The following CNTN3 variants were observed in gnomAD, a reference collection of about 807,000 sequenced individuals.
The protein encoded by CNTN3 is contactin 3.
A neutral mutation model predicts 119.1 loss-of-function variants in CNTN3; 60 were observed. The observed-to-expected ratio is 0.50, with a 90% confidence interval of 0.41 to 0.62. The LOEUF (loss-of-function observed/expected upper bound fraction) is 0.62, where lower values mean the gene tolerates loss of function less well. CNTN3 is among the 20% of genes least tolerant of loss of function. The pLI is 0.00. For missense variants in CNTN3, 1,101 were observed against 1,242.4 expected, an observed-to-expected ratio of 0.89 and a Z score of 1.71; for synonymous variants, 450 against 438.7, an observed-to-expected ratio of 1.03 and a Z score of -0.32.
chr3:74,580,866 G>A (rs1332929764), intron 1 of CNTN3, among the ~76,000 whole-genome samples: 2 of 152,102 alleles, frequency 1.3e-5, no homozygotes, highest in Non-Finnish European at 2.9e-5. Flanking sequence ...CTACTGACGT[G>A]CACCATCACA....
At chr3:74,498,818 T>C (rs1703110150) in intron 3 of CNTN3, among the ~76,000 whole-genome samples, 1 of 151,860 alleles carries the variant, frequency 6.6e-6, no homozygotes, top group Non-Finnish European at 1.5e-5. Context: ...GATGTTCACA[T>C]TGCATGAAAG....
chr3:74,384,626 T>C (rs1365797953), intron 5 of CNTN3, among the ~76,000 whole-genome samples: 4 of 152,252 alleles, frequency 2.6e-5, no homozygotes, highest in Non-Finnish European at 4.4e-5. Context: ...GTTGTCCTGA[T>C]GATTTACCTT....
At chr3:74,364,623 T>C in intron 9 of CNTN3, 27 bp from the exon 10 acceptor site, 3 of 1,564,550 alleles carry the variant, frequency 1.9e-6, no homozygotes, top group Non-Finnish European at 2.6e-6. Flanking sequence ...ATATCTTTCA[T>C]ATAAACAAAC....
intron 5 of CNTN3, among the ~76,000 whole-genome samples, chr3:74,406,539 GT>G (rs541713320): frequency 2.4e-4 from 35 of 145,062 alleles, no homozygotes; most frequent in South Asian, 6.6e-4. Context: ...TGAACTATGT[GT>G]TTTTTTTTTT....
At chr3:74,405,296 T>A (rs1705297360) in intron 5 of CNTN3, among the ~76,000 whole-genome samples, 1 of 151,676 alleles carries the variant, frequency 6.6e-6, no homozygotes, top group Non-Finnish European at 1.5e-5. Context: ...GCCCCCTTAA[T>A]CATAAAACAA....
intron 13 of CNTN3, among the ~76,000 whole-genome samples, chr3:74,306,549 T>C (rs1450375523): frequency 1.3e-5 from 2 of 152,160 alleles, no homozygotes; most frequent in African/African-American, 4.8e-5. Flanking sequence ...ATTCATAGCT[T>C]TATTTTCTTC....
chr3:74,578,217 G>GT (rs1431450302), intron 1 of CNTN3, among the ~76,000 whole-genome samples: 4 of 151,932 alleles, frequency 2.6e-5, no homozygotes, highest in East Asian at 1.9e-4. Context: ...GTTATAAGAT[G>GT]TTTTTTTAAG....
intron 11 of CNTN3, among the ~76,000 whole-genome samples, chr3:74,338,070 G>C (rs1277919739): frequency 6.6e-6 from 1 of 152,012 alleles, no homozygotes; most frequent in African/African-American, 2.4e-5. Context: ...TAACACTTGA[G>C]TGTCTTTATC....
chr3:74,587,852 A>T (rs1704622577), intron 1 of CNTN3, among the ~76,000 whole-genome samples: 1 of 152,286 alleles, frequency 6.6e-6, no homozygotes, highest in South Asian at 2.1e-4. Flanking sequence ...GGCGTGAGAG[A>T]GGGCATCCCT....
intron 7 of CNTN3, among the ~76,000 whole-genome samples, 194 bp downstream of exon 7, chr3:74,369,695 C>T (rs1704289470): frequency 6.6e-6 from 1 of 150,452 alleles, no homozygotes; most frequent in Non-Finnish European, 1.5e-5. Flanking sequence ...GAGTAATTTT[C>T]TTCAAATCGA....
intron 5 of CNTN3, among the ~76,000 whole-genome samples, chr3:74,384,709 C>T (rs1470828812): frequency 2.6e-5 from 4 of 152,124 alleles, no homozygotes; most frequent in Non-Finnish European, 5.9e-5. Context: ...TACACTTTGG[C>T]AGTTCATATT....
intron 1 of CNTN3, among the ~76,000 whole-genome samples, chr3:74,613,542 C>T (rs1289655807): frequency 1.3e-5 from 2 of 152,098 alleles, no homozygotes; most frequent in Non-Finnish European, 2.9e-5. Flanking sequence ...TAAATAATAC[C>T]TCTGGACACA....
At chr3:74,486,819 T>C (rs1192482331) in intron 3 of CNTN3, among the ~76,000 whole-genome samples, 188 bp from the exon 4 acceptor site, 1 of 152,154 alleles carries the variant, frequency 6.6e-6, no homozygotes, top group Non-Finnish European at 1.5e-5. Context: ...TAAAGCACAG[T>C]AGAAAGTATA....
At chr3:74,433,752 C>A (rs552491681) in intron 4 of CNTN3, among the ~76,000 whole-genome samples, 2 of 152,306 alleles carry the variant, frequency 1.3e-5, no homozygotes, top group Admixed American at 1.3e-4. Context: ...ACATAAGGCT[C>A]CCACTCCTCC....
At chr3:74,363,395 C>A (rs1013236064) in intron 10 of CNTN3, among the ~76,000 whole-genome samples, 1 of 152,094 alleles carries the variant, frequency 6.6e-6, no homozygotes, top group African/African-American at 2.4e-5. Context: ...TATTTAGCAG[C>A]CTCTCTGTCC....
At chr3:74,587,825 C>T (rs546764641) in intron 1 of CNTN3, among the ~76,000 whole-genome samples, 2 of 152,264 alleles carry the variant, frequency 1.3e-5, no homozygotes, top group South Asian at 4.1e-4. Flanking sequence ...GAACTTCCAA[C>T]ACTATGTTGA....
chr3:74,609,183 CAG>C lies in CNTN3; in HGVS notation c.-81+5206_-81+5207del, dbSNP rs1705040589. Reference sequence around the variant, plus strand: ...GTATTATAGCTGGAGTGTTAAGTATCAGGGGAGAATTAGGGAGAAGTCACATA... The same window carrying C: ...GTATTATAGCTGGAGTGTTAAGTATCGGGAGAATTAGGGAGAAGTCACATA... On this transcript the variant is annotated intron_variant, in intron 1 of 22. Coordinates refer to ENST00000263665, the MANE Select transcript of CNTN3 (RefSeq NM_020872.3). Among the ~76,000 whole-genome samples, 4 of 152,240 alleles carry C rather than the reference CAG, an allele frequency of 2.6e-5. No homozygotes were observed. In the South Asian group the frequency reaches 6.2e-4, roughly 24 times the overall value.
At chr3:74,583,489 T>C (rs918036855) in intron 1 of CNTN3, among the ~76,000 whole-genome samples, 3 of 152,098 alleles carry the variant, frequency 2.0e-5, no homozygotes, top group Admixed American at 2.0e-4. Flanking sequence ...TATGTTTCCA[T>C]TTACATGAAG....
At chr3:74,513,356 C>G (rs1703401178) in intron 2 of CNTN3, among the ~76,000 whole-genome samples, 1 of 152,104 alleles carries the variant, frequency 6.6e-6, no homozygotes, top group Non-Finnish European at 1.5e-5. Flanking sequence ...CCAATAGCAG[C>G]TTTCACCACA....
Sources: gnomAD v4.1 joint callset for allele counts (sites outside exome capture counted in the v4.1 genomes callset) on GRCh38, gnomAD v4.1.1 for gene constraint, MANE v1.5 for transcripts, NCBI Gene and HGNC (gene_info 2026-07-23, HGNC 2026-07-21) for gene names.